The following COL2A1 variants were observed in gnomAD, a reference collection of about 807,000 sequenced individuals.
The protein encoded by COL2A1 is collagen type II alpha 1 chain, also known as collagen alpha-1(II) chain.
A neutral mutation model predicts 204.5 loss-of-function variants in COL2A1; 28 were observed. The ratio of observed to expected loss-of-function variants is 0.14; its 90% CI spans 0.10 to 0.19. The LOEUF (loss-of-function observed/expected upper bound fraction) is 0.19, where lower values mean the gene tolerates loss of function less well. Ranked by LOEUF, COL2A1 falls within the 10% of genes least tolerant of loss-of-function variation. The pLI is 1.00. For synonymous variants in COL2A1, 708 were observed against 718.7 expected (o/e 0.99, Z 0.24); for missense variants, 1,388 against 2,027.5 (o/e 0.68, Z 6.06).
Position 47,987,871 on chromosome 12 carries a change from C to T in COL2A1, c.1123-162G>A, listed in dbSNP as rs756143708. Among the ~76,000 whole-genome samples, 5 of 152,164 alleles carry T rather than the reference C, an allele frequency of 3.3e-5. No individual in the cohort carries two copies. Among genetic ancestry groups the T allele is most frequent in the Non-Finnish European group, 7.3e-5 (5 of 68,042 alleles). On this transcript the variant is annotated intron_variant, in intron 18 of 53. Transcript: ENST00000380518. This position sits in a 1 kb window ranked among gnomAD's most constrained non-coding sequence, Gnocchi z 4.1. ...TGCGTTCACACACAGTTCACGCTGC[C>T]GTTTTTCTCCCTGCCTGACCGAGCT...
rs41263847 is a variant in COL2A1, at chr12:47,984,115, G to A, written c.1913C>T (p.Thr638Ile). 7.1e-4 allele frequency: 1,142 copies of A among 1,613,620 alleles called. 11 individuals are homozygous for A. In the East Asian group the frequency reaches 0.02, roughly 28 times the overall value. The change falls in exon 29 of 54, where the codon ACA (threonine) becomes ATA (isoleucine). Residue 638 changes from threonine to isoleucine, a missense_variant. By Grantham distance (89) the Thr-to-Ile change is moderately conservative (BLOSUM62 -1). Around this residue, in one of 3 missense-constraint regions of COL2A1, gnomAD observed 884 missense variants for 1,415.8 expected, o/e 0.62. Coordinates refer to ENST00000380518, the MANE Select transcript of COL2A1 (RefSeq NM_001844.5). ...LRGLPGKDGE[T>I]GAAGPPGPAG... The stretch of plus-strand genomic sequence containing the variant: ...AGGGCCAGGGGGTCCTGCAGCACCT[G>A]TCTCACCATCTTTGCCAGGAAGACC...
chr12:47,981,286 G>T, intron 37 of COL2A1, 57 bp downstream of exon 37: 1 of 1,574,668 alleles, frequency 6.4e-7, no homozygotes, highest in Non-Finnish European at 8.7e-7. Flanking sequence ...TGACTCCCTG[G>T]CTCTCTGGTT....
At chr12:47,998,561 T>C in intron 2 of COL2A1, 130 bp from the exon 3 acceptor site, 1 of 975,176 alleles carries the variant, frequency 1.0e-6, no homozygotes, top group South Asian at 1.5e-5. Flanking sequence ...GGCAGCTTCC[T>C]GTGACTCCAC....
In COL2A1 at chr12:47,984,074, G is replaced by C; in HGVS notation, c.1941+13C>G. 1 of 1,610,600 alleles carries C rather than the reference G, an allele frequency of 6.2e-7. No homozygotes were observed. The highest frequency in any genetic ancestry group is 8.5e-7 in the Non-Finnish European group (1 of 1,178,634). ...CCCCCAGGGCCACCTGGGGAGGCTG[G>C]GCAGGTACTTACAGCAGGGCCAGGG... On this transcript the variant is annotated intron_variant, in intron 29 of 53. Transcript: ENST00000380518.
intron 1 of COL2A1, among the ~76,000 whole-genome samples, 187 bp from the exon 2 acceptor site, chr12:48,000,312 A>T (rs1157896101): frequency 3.9e-5 from 6 of 152,232 alleles, no homozygotes; most frequent in African/African-American, 1.4e-4. Context: ...TTTTCCATGT[A>T]TTCAACAAAT....
Position 47,976,067 on chromosome 12 carries a change from G to A in COL2A1, c.3493C>T (p.Pro1165Ser). 1 of 1,610,870 alleles carries A rather than the reference G, an allele frequency of 6.2e-7. No individual in the cohort carries two copies. The highest frequency in any genetic ancestry group is 8.5e-7 in the Non-Finnish European group (1 of 1,177,022). The change falls in exon 50 of 54, where the codon CCT becomes TCT. Residue 1165 changes from proline to serine, a missense_variant. Coordinates refer to ENST00000380518, the MANE Select transcript of COL2A1 (RefSeq NM_001844.5). This position sits in a 1 kb window ranked among gnomAD's most constrained non-coding sequence, Gnocchi z 4.3. The part of the protein sequence containing the change: ...GPAGPSGPRG[P>S]PGPVGPSGKD... ...CCAGAGGGACCGACGGGGCCAGGAG[G>A]ACCCTGCAAGAGAGAGAGGTCGTGA... is the stretch of plus-strand genomic sequence containing the variant.
rs575601668 is a variant in COL2A1, at chr12:47,980,463, C to G, written c.2625+91G>C. The G allele has an allele frequency of 5.0e-5, 61 of 1,209,948 alleles. 1 individual carries two copies. The East Asian group carries it at 1.3e-3, about 26-fold the overall frequency. 75.0% of individuals were successfully genotyped at this position (1,209,948 alleles called of 1,614,324 possible). ...ATGGGGGTGTTCCCAGGCCTGCGAACCATCCTCTGCGCAGCCTGCTGGGGC... is the reference window on the plus strand; with the variant it reads ...ATGGGGGTGTTCCCAGGCCTGCGAAGCATCCTCTGCGCAGCCTGCTGGGGC... On this transcript the variant is annotated intron_variant, in intron 39 of 53. Coordinates refer to ENST00000380518, the MANE Select transcript of COL2A1 (RefSeq NM_001844.5). This position sits in a 1 kb window ranked among gnomAD's most constrained non-coding sequence, Gnocchi z 4.5.
chr12:48,005,496 G>A (rs574977670), upstream of COL2A1: 82 of 152,334 alleles, frequency 5.4e-4, no homozygotes, highest in African/African-American at 1.8e-3. Context: ...CGATCCAGCT[G>A]GCGAGTTCTG....
Position 47,974,290 on chromosome 12 carries a change from G to A in COL2A1, c.4116C>T (p.Asn1372=), listed in dbSNP as rs150237416. The change falls in exon 53 of 54, where the codon AAC becomes AAT. Residue 1372 remains asparagine (N), a synonymous_variant. Coordinates refer to ENST00000380518, the MANE Select transcript of COL2A1 (RefSeq NM_001844.5). The part of the protein sequence containing the change: ...GDDNLAPNTA[N]VQMTFLRLLS... The stretch of plus-strand genomic sequence containing the variant: ...GCAGGCGTAGGAAGGTCATCTGGAC[G>A]TTGGCAGTGTTGGGAGCCAGATTGT... 1,066 of 1,614,086 alleles carry A rather than the reference G, an allele frequency of 6.6e-4. 4 individuals carry two copies. Among genetic ancestry groups the A allele is most frequent in the Non-Finnish European group, 8.6e-4 (1,014 of 1,180,050 alleles).
chr12:47,983,589 A>G, intron 30 of COL2A1, 94 bp downstream of exon 30: 1 of 1,462,530 alleles, frequency 6.8e-7, no homozygotes, highest in East Asian at 2.4e-5. Flanking sequence ...ACCCTGCAAG[A>G]GGTGTGGGCC....
intron 1 of COL2A1, 64 bp downstream of exon 1, chr12:48,004,173 G>T: frequency 8.0e-7 from 1 of 1,250,132 alleles, no homozygotes; most frequent in Non-Finnish European, 1.1e-6. Flanking sequence ...GAGCGGGCCG[G>T]GGAGAAGGAT....
chr12:47,999,725 C>A, intron 2 of COL2A1, 194 bp downstream of exon 2: 1 of 563,288 alleles, frequency 1.8e-6, no homozygotes, highest in Non-Finnish European at 3.1e-6. Flanking sequence ...AGAAGGACCC[C>A]TCTAGTGTCT....
At chr12:47,991,203 G>A (rs529205198) in intron 16 of COL2A1, among the ~76,000 whole-genome samples, 18 of 152,344 alleles carry the variant, frequency 1.2e-4, no homozygotes, top group Admixed American at 2.0e-4. Context: ...CCAGGGGTCA[G>A]CCAGCAGGAG....
chr12:47,975,689 G>T, intron 50 of COL2A1, 84 bp from the exon 51 acceptor site: 1 of 1,465,870 alleles, frequency 6.8e-7, no homozygotes. Context: ...ATGTACTAGA[G>T]TGTCCCTCTT....
At chr12:47,989,405 A>G in intron 17 of COL2A1, 124 bp from the exon 18 acceptor site, 1 of 889,720 alleles carries the variant, frequency 1.1e-6, no homozygotes. Context: ...CATTGTGGCT[A>G]AAAGGCCTTG....
chr12:47,993,732 A>G (rs1939814317), intron 14 of COL2A1, 77 bp downstream of exon 14: 6 of 1,516,164 alleles, frequency 4.0e-6, no homozygotes, highest in South Asian at 1.1e-5. Context: ...TGAGCTCCAC[A>G]GTGTCTCCCT....
At chr12:48,001,313 A>G (rs547363120) in intron 1 of COL2A1, among the ~76,000 whole-genome samples, 2 of 152,396 alleles carry the variant, frequency 1.3e-5, no homozygotes, top group African/African-American at 4.8e-5. Context: ...AAATCCAAAG[A>G]TAAACTTTCC....
chr12:47,989,172 G>T (rs1939580713), intron 18 of COL2A1, 56 bp downstream of exon 18: 3 of 1,466,924 alleles, frequency 2.0e-6, no homozygotes, highest in Middle Eastern at 1.7e-4. Context: ...AGGGTTACGG[G>T]GAAAGGACAG....
chr12:47,974,846 G>A lies in COL2A1; in HGVS notation c.3903C>T (p.Asp1301=). ...PEWKSGDYWI[D]PNQGCTLDAM... Reference sequence around the variant, plus strand: ...CGTCCAAGGTGCAGCCTTGGTTGGGGTCAATCCAGTAGTCTCCTGCAGGGG... The same window carrying A: ...CGTCCAAGGTGCAGCCTTGGTTGGGATCAATCCAGTAGTCTCCTGCAGGGG... Residue 1301 remains aspartate (D), a synonymous_variant, in exon 52 of 54, where the codon GAC becomes GAT. Transcript: ENST00000380518. 3 of 1,614,086 alleles carry A rather than the reference G, an allele frequency of 1.9e-6. No homozygotes were observed. Among genetic ancestry groups the A allele is most frequent in the Non-Finnish European group, 1.7e-6 (2 of 1,179,968 alleles).
Sources: gnomAD v4.1 joint callset for allele counts (sites outside exome capture counted in the v4.1 genomes callset) on GRCh38, gnomAD v4.1.1 for gene constraint, gnomAD v4.1.1 regional missense constraint, Gnocchi (gnomAD v3.1) non-coding constraint, MANE v1.5 for transcripts, NCBI Gene and HGNC (gene_info 2026-07-23, HGNC 2026-07-21) for gene names.